The following JAG1 variants were observed in gnomAD, a reference collection of about 807,000 sequenced individuals.
JAG1 encodes protein jagged-1.
In JAG1, 23 loss-of-function variants were observed where a neutral mutation model predicts 148.7. The observed-to-expected ratio is 0.15, with a 90% confidence interval of 0.11 to 0.22. The LOEUF (loss-of-function observed/expected upper bound fraction) is 0.22. Among genes scored for constraint, JAG1 ranks in the 10% least tolerant of loss-of-function variants. The pLI is 1.00. For missense variants in JAG1, 1,054 were observed against 1,611.2 expected (o/e 0.65, Z 5.92); for synonymous variants, 572 against 598.3 (o/e 0.96, Z 0.64).
At position 10,658,388 on chromosome 20, in the gene JAG1, T is replaced by C. The variant is rs2067392338; in HGVS notation, c.694+80A>G. ...TCCCACCCCACCTGAGATAGCCGCA[T>C]GCCACCTGCCTGCTGGTGGGGTGAT... is the stretch of plus-strand genomic sequence containing the variant. On this transcript the variant is annotated intron_variant, in intron 4 of 25. Transcript: ENST00000254958. 3.2e-6 allele frequency: 5 copies of C among 1,561,866 alleles called. 1 individual carries two copies. In the South Asian group the frequency reaches 3.3e-5, roughly 10 times the overall value.
rs940380616 is a variant in JAG1 at position 10,645,859 on chromosome 20, G to A, written c.1999+112C>T. 22 of 808,308 alleles carry A rather than the reference G, an allele frequency of 2.7e-5. No individual in the cohort carries two copies. In the Admixed American group the frequency reaches 3.6e-4, roughly 13 times the overall value. The allele number at this position is 808,308 out of a possible 1,614,324, so 50.1% of individuals were successfully genotyped here. Reference sequence around the variant, plus strand: ...ATACTGTCCCAGTGCAGAAATCACTGCGGTCTTGCTTCCAGAGATTTCCAG... The same window carrying A: ...ATACTGTCCCAGTGCAGAAATCACTACGGTCTTGCTTCCAGAGATTTCCAG... On this transcript the variant is annotated intron_variant, in intron 15 of 25. Coordinates refer to ENST00000254958, the MANE Select transcript of JAG1 (RefSeq NM_000214.3). The surrounding 1 kb of genome is among the most constrained non-coding windows in gnomAD (Gnocchi z 6.1).
At chr20:10,662,617 C>T (rs62185095) in intron 3 of JAG1, 5,639 of 152,628 alleles carry the variant, frequency 0.037, 142 homozygotes, top group Admixed American at 0.056. Context: ...CCATTGTAAG[C>T]AGGTCACAGT....
chr20:10,647,186 C>CT, intron 13 of JAG1, 83 bp from the exon 14 acceptor site: 4 of 1,543,286 alleles, frequency 2.6e-6, no homozygotes, highest in Non-Finnish European at 3.6e-6. Flanking sequence ...GCCAAGCCCA[C>CT]TTTCCTGGAG....
chr20:10,642,410 T>TTG, intron 21 of JAG1, 78 bp downstream of exon 21: 2 of 821,274 alleles, frequency 2.4e-6, no homozygotes, highest in South Asian at 2.8e-5. Context: ...AGTGGCTTAT[T>TTG]TGTGAAAAGT....
At chr20:10,660,863 C>T (rs1026066874) in intron 3 of JAG1, among the ~76,000 whole-genome samples, 3 of 152,120 alleles carry the variant, frequency 2.0e-5, no homozygotes, top group African/African-American at 7.2e-5. Flanking sequence ...ATCCCCAGTG[C>T]CACGAAGATG....
At chr20:10,647,891 G>T in intron 13 of JAG1, 69 bp downstream of exon 13, 2 of 1,496,654 alleles carry the variant, frequency 1.3e-6, no homozygotes, top group Non-Finnish European at 1.9e-6. Flanking sequence ...GTAACAAGGG[G>T]CAGTGGTAGT....
intron 2 of JAG1, among the ~76,000 whole-genome samples, chr20:10,665,586 T>A (rs1394383600): frequency 6.6e-6 from 1 of 152,244 alleles, no homozygotes; most frequent in Non-Finnish European, 1.5e-5. Flanking sequence ...TATATTTCTC[T>A]ACTGATTTGA....
chr20:10,639,833 C>T lies in JAG1; in HGVS notation c.3322G>A (p.Glu1108Lys). 1 of 1,614,172 alleles carries T rather than the reference C, an allele frequency of 6.2e-7. No homozygotes were observed. The highest frequency in any genetic ancestry group is 8.5e-7 in the Non-Finnish European group (1 of 1,180,018). The part of the protein sequence containing the change: ...KPGSHTHSAS[E>K]DNTTNNVREQ... ...CGCACGTTGTTGGTGGTGTTGTCCT[C>T]AGAGGCTGAGTGTGTGTGGCTGCCC... Residue 1108 changes from glutamate (E) to lysine (K), a missense_variant, in exon 26 of 26, where the codon GAG becomes AAG. Glu to Lys is a moderately conservative substitution (Grantham distance 56). This residue lies in a region of JAG1 where 177 missense variants were observed against 177.3 expected (regional missense o/e 1.00). Coordinates refer to ENST00000254958, the MANE Select transcript of JAG1 (RefSeq NM_000214.3).
chr20:10,671,888 C>G (rs1285627226), intron 2 of JAG1, among the ~76,000 whole-genome samples: 1 of 152,108 alleles, frequency 6.6e-6, no homozygotes, highest in African/African-American at 2.4e-5. Flanking sequence ...CACCCTCAGG[C>G]ACTACCTCCA....
rs1283750850 is a variant in JAG1 at position 10,646,952 on chromosome 20, T to A, written c.1872A>T (p.Thr624=). 1.9e-6 allele frequency: 3 copies of A among 1,614,096 alleles called. No individual in the cohort carries two copies. Among genetic ancestry groups the A allele is most frequent in the Non-Finnish European group, 2.5e-6 (3 of 1,180,040 alleles). The change falls in exon 14 of 26, where the codon ACA becomes ACT. Residue 624 remains threonine, a synonymous_variant. Transcript: ENST00000254958. ...AGGGAGTCTTACTTTCATGGCAGTA[T>A]GTTCCCGTGAAGCCTTTGTTACAGT... ...TCDCNKGFTG[T]YCHENINDCE... is the part of the protein sequence containing the mutation.
rs1259778353 is a variant in JAG1, at chr20:10,639,846, T to G, written c.3309A>C (p.Thr1103=). The G allele has an allele frequency of 1.2e-6, 2 of 1,614,188 alleles. No individual in the cohort carries two copies. The highest frequency in any genetic ancestry group is 3.3e-4 in the Middle Eastern group (2 of 6,062). Residue 1103 remains threonine, a synonymous_variant, in exon 26 of 26, where the codon ACA becomes ACC. Coordinates refer to ENST00000254958, the MANE Select transcript of JAG1 (RefSeq NM_000214.3). ...TGGTGTTGTCCTCAGAGGCTGAGTG[T>G]GTGTGGCTGCCCGGCTTCCGCCGCT... ...LRKRRKPGSH[T]HSASEDNTTN...
Position 10,644,992 on chromosome 20 carries a change from A to C in JAG1, c.2228-13T>G, listed in dbSNP as rs1163165774. 2 of 1,602,772 alleles carry C rather than the reference A, an allele frequency of 1.2e-6. No individual in the cohort carries two copies. The highest frequency in any genetic ancestry group is 1.3e-5 in the African/African-American group (1 of 74,588). ...CTACTGTTTCGGGCTATAAAAGAAG[A>C]GCAGACACGACCACCCTCCCTGAGT... On this transcript the variant is annotated splice_polypyrimidine_tract_variant and intron_variant, in intron 17 of 25. Transcript: ENST00000254958.
Position 10,645,990 on chromosome 20 carries a change from C to T in JAG1, c.1980G>A (p.Glu660=), listed in dbSNP as rs763779835. Residue 660 remains glutamate, a synonymous_variant, in exon 15 of 26, where the codon GAG becomes GAA. Transcript: ENST00000254958. This position sits in a 1 kb window ranked among gnomAD's most constrained non-coding sequence, Gnocchi z 6.1. ...SYKCICSDGW[E]GAYCETNIND... is the part of the protein sequence containing the mutation. ...ACTCACTGGTTTCACAGTAGGCCCCCTCCCAGCCGTCACTACAGATGCACT... is the reference window on the plus strand; with the variant it reads ...ACTCACTGGTTTCACAGTAGGCCCCTTCCCAGCCGTCACTACAGATGCACT... 1 of 1,612,990 alleles carries T rather than the reference C, an allele frequency of 6.2e-7. No homozygotes were observed. Among genetic ancestry groups the T allele is most frequent in the Admixed American group, 1.7e-5 (1 of 60,020 alleles).
At chr20:10,663,903 T>G in intron 3 of JAG1, 60 bp downstream of exon 3, 1 of 1,358,706 alleles carries the variant, frequency 7.4e-7, no homozygotes, top group African/African-American at 1.4e-5. Context: ...CTCCAACTGG[T>G]TGGCCAAGCC....
chr20:10,645,078 G>C lies in JAG1; in HGVS notation c.2227+65C>G, dbSNP rs1332853269. On this transcript the variant is annotated intron_variant, in intron 17 of 25. Transcript: ENST00000254958. This position sits in a 1 kb window ranked among gnomAD's most constrained non-coding sequence, Gnocchi z 6.1. The stretch of plus-strand genomic sequence containing the variant: ...CAGAGAAATATCATAAGCTCCAGGG[G>C]CCAACCAGCAGACACGCCCAGGTGG... The C allele has an allele frequency of 9.2e-6, 14 of 1,519,822 alleles. No homozygotes were observed. Among genetic ancestry groups the C allele is most frequent in the Non-Finnish European group, 1.1e-5 (12 of 1,094,076 alleles). The allele number at this position is 1,519,822 out of a possible 1,614,324, so 94.1% of individuals were successfully genotyped here. A position where few individuals can be genotyped will look rare whatever the true frequency, so the allele number is the denominator to read the frequency against.
At chr20:10,664,391 C>CACACACACAA (rs2067438359) in intron 2 of JAG1, among the ~76,000 whole-genome samples, 1 of 148,404 alleles carries the variant, frequency 6.7e-6, no homozygotes, top group African/African-American at 2.6e-5. Flanking sequence ...CACACACACA[C>CACACACACAA]ACACACACAC....
At chr20:10,650,728 C>T (rs2067340162) in intron 8 of JAG1, 5 of 300,576 alleles carry the variant, frequency 1.7e-5, no homozygotes, top group South Asian at 1.4e-4. Context: ...TAGTTCTTTA[C>T]AGGTGGAAAA....
rs1031515052 is a variant in JAG1 at position 10,645,538 on chromosome 20, G to T, written c.2000-69C>A. 1 of 1,237,148 alleles carries T rather than the reference G, an allele frequency of 8.1e-7. No homozygotes were observed. The highest frequency in any genetic ancestry group is 1.2e-6 in the Non-Finnish European group (1 of 842,798). 76.6% of individuals were successfully genotyped at this position (1,237,148 alleles called of 1,614,324 possible). A position where few individuals can be genotyped will look rare whatever the true frequency, so the allele number is the denominator to read the frequency against. ...ACCATTCACGACAGGCGAGAGCCAA[G>T]CCTTTCCTACTGCTTACATCCAACA... On this transcript the variant is annotated intron_variant, in intron 15 of 25. Coordinates refer to ENST00000254958, the MANE Select transcript of JAG1 (RefSeq NM_000214.3). This position sits in a 1 kb window ranked among gnomAD's most constrained non-coding sequence, Gnocchi z 6.1.
rs34134142 is a variant in JAG1 at position 10,638,291 on chromosome 20, TAAAAA to T, written c.*1202_*1206del. 1 of 150,478 alleles carries T rather than the reference TAAAAA, an allele frequency of 6.6e-6. No individual in the cohort carries two copies. Among genetic ancestry groups the T allele is most frequent in the East Asian group, 2.0e-4 (1 of 5,102 alleles). 9.3% of individuals were successfully genotyped at this position (150,478 alleles called of 1,614,324 possible). A position where few individuals can be genotyped will look rare whatever the true frequency, so the allele number is the denominator to read the frequency against. ...AGAATACTCCCTAAATGCAGTAGAT[TAAAAA>T]AAAAAATCAAATCTACAAGTGGTTC... On this transcript the variant is annotated 3_prime_UTR_variant, in exon 26 of 26. Transcript: ENST00000254958.
Sources: allele counts gnomAD v4.1 joint callset (sites outside exome capture counted in the v4.1 genomes callset), GRCh38; gene constraint gnomAD v4.1.1; regional missense constraint gnomAD v4.1.1; non-coding constraint Gnocchi (gnomAD v3.1); transcripts MANE v1.5; gene names NCBI Gene and HGNC (gene_info 2026-07-23, HGNC 2026-07-21).